The following UQCC4 variants were observed in gnomAD, a reference collection of about 807,000 sequenced individuals.
UQCC4 encodes ubiquinol-cytochrome c reductase complex assembly factor 4.
the UQCC4 span, chr16:1,420,439 C>T: frequency 6.2e-7 from 1 of 1,614,276 alleles, no homozygotes; most frequent in Non-Finnish European, 8.5e-7. Context: ...ATGTCCCTTT[C>T]CCATGGTATG....
the UQCC4 span, chr16:1,420,591 G>C: frequency 6.3e-7 from 1 of 1,595,940 alleles, no homozygotes; most frequent in South Asian, 1.1e-5. Flanking sequence ...CCCAGCCTAT[G>C]AGCCTCAGCG....
chr16:1,420,462 G>A, the UQCC4 span: 2 of 1,614,156 alleles, frequency 1.2e-6, no homozygotes, highest in African/African-American at 2.7e-5. Context: ...CCACCGACCA[G>A]CGGTGAGGGT....
the UQCC4 span, chr16:1,420,616 G>C: frequency 6.4e-7 from 1 of 1,564,038 alleles, no homozygotes; most frequent in South Asian, 1.2e-5. Flanking sequence ...GACGGCCCTG[G>C]AAGAGAGAGA....
chr16:1,420,715 A>C, the UQCC4 span: 1 of 1,541,108 alleles, frequency 6.5e-7, no homozygotes, highest in Non-Finnish European at 8.7e-7. Flanking sequence ...CACACAAGAC[A>C]CGATTCATTG....
chr16:1,420,305 C>T, the UQCC4 span: 1 of 1,614,182 alleles, frequency 6.2e-7, no homozygotes, highest in Non-Finnish European at 8.5e-7. Flanking sequence ...TCACTGGGCT[C>T]TGGCACCTCT....
chr16:1,420,632 A>C, the UQCC4 span: 1 of 1,551,758 alleles, frequency 6.4e-7, no homozygotes, highest in Non-Finnish European at 8.7e-7. Flanking sequence ...AGAGAGCAGT[A>C]AGCGCTCCGC....
At chr16:1,420,077 G>A in the UQCC4 span, 13 of 1,613,146 alleles carry the variant, frequency 8.1e-6, no homozygotes, top group Non-Finnish European at 8.5e-6. Context: ...GATCTGCTGA[G>A]ATTCTGCTCC....
chr16:1,420,425 G>A, the UQCC4 span: 1 of 1,614,254 alleles, frequency 6.2e-7, no homozygotes, highest in Non-Finnish European at 8.5e-7. Flanking sequence ...CACCAGGGCC[G>A]CTGATGTCCC....
At chr16:1,419,754 C>G in the UQCC4 span, 1 of 472,970 alleles carries the variant, frequency 2.1e-6, no homozygotes, top group East Asian at 8.3e-5. Context: ...TCATCTAATC[C>G]CATATTATAA....
At chr16:1,419,983 T>C in the UQCC4 span, 10 of 1,588,680 alleles carry the variant, frequency 6.3e-6, no homozygotes, top group African/African-American at 9.4e-5. Context: ...CAGCATACAG[T>C]GCAACTGAAA....
the UQCC4 span, chr16:1,420,203 G>A: frequency 6.2e-7 from 1 of 1,613,944 alleles, no homozygotes; most frequent in East Asian, 2.2e-5. Context: ...AATCCGAAGG[G>A]CGGCTGTCGG....
At chr16:1,419,947 G>A in the UQCC4 span, 2 of 1,524,152 alleles carry the variant, frequency 1.3e-6, 1 homozygote, top group African/African-American at 2.7e-5. Flanking sequence ...ACATGATTAT[G>A]TTATACAAAG....
chr16:1,420,326 G>C, the UQCC4 span: 1 of 1,614,164 alleles, frequency 6.2e-7, no homozygotes, highest in Non-Finnish European at 8.5e-7. Context: ...CCCCACACCT[G>C]TCTCAACCAC....
the UQCC4 span, chr16:1,420,397 C>T: frequency 6.2e-7 from 1 of 1,614,250 alleles, no homozygotes; most frequent in East Asian, 2.2e-5. Flanking sequence ...GAGGAAGCAG[C>T]TGAGGGGCAG....
chr16:1,420,176 G>A, the UQCC4 span: 2 of 1,613,964 alleles, frequency 1.2e-6, no homozygotes, highest in African/African-American at 1.3e-5. Context: ...GGACAGTCAC[G>A]GGCAAACGTG....
At chr16:1,420,714 C>CA in the UQCC4 span, 1 of 1,541,536 alleles carries the variant, frequency 6.5e-7, no homozygotes. Context: ...GCACACAAGA[C>CA]ACGATTCATT....
At chr16:1,420,677 C>T in the UQCC4 span, 1 of 1,548,266 alleles carries the variant, frequency 6.5e-7, no homozygotes, top group African/African-American at 1.4e-5. Context: ...CCCTCCGAGA[C>T]CTTGAGGAGC....
At chr16:1,420,157 G>A in the UQCC4 span, 1 of 1,613,938 alleles carries the variant, frequency 6.2e-7, no homozygotes, top group South Asian at 1.1e-5. Flanking sequence ...GAGGACGCAC[G>A]CATAGCCAGG....
the UQCC4 span, chr16:1,420,465 G>C: frequency 3.1e-6 from 5 of 1,614,290 alleles, no homozygotes; most frequent in Admixed American, 8.3e-5. Flanking sequence ...CCGACCAGCG[G>C]TGAGGGTTGG....
Sources: allele counts gnomAD v4.1 joint callset, GRCh38; gene constraint gnomAD v4.1.1; transcripts MANE v1.5; gene names NCBI Gene and HGNC (gene_info 2026-07-23, HGNC 2026-07-21).